PCDH9: variants seen among roughly 807,000 people sequenced by gnomAD.
PCDH9 encodes protocadherin-9.
Under a neutral mutation model 70.6 loss-of-function variants are expected in PCDH9, and 24 were observed. The observed-to-expected ratio is 0.34, with a 90% CI of 0.25 to 0.48. The LOEUF is 0.48. Ranked by LOEUF, PCDH9 falls within the 20% of genes least tolerant of loss-of-function variation. The pLI, the probability that PCDH9 is intolerant of heterozygous loss-of-function variation, is 0.99. For missense variants in PCDH9, 1,281 were observed against 1,503.6 expected (o/e 0.85, Z 2.45); for synonymous variants, 562 against 558.5 (o/e 1.01, Z -0.09).
At chr13:66,710,646 C>A (rs934212742) in intron 3 of PCDH9, among the ~76,000 whole-genome samples, 1 of 152,076 alleles carries the variant, frequency 6.6e-6, no homozygotes, top group Admixed American at 6.6e-5. Context: ...AGATGTATAA[C>A]CTTACATTTT....
At chr13:66,529,150 G>C (rs756480495) in intron 4 of PCDH9, among the ~76,000 whole-genome samples, 1 of 152,006 alleles carries the variant, frequency 6.6e-6, no homozygotes, top group Non-Finnish European at 1.5e-5. Context: ...GAATCCAATG[G>C]CTAATTGCAC....
intron 4 of PCDH9, among the ~76,000 whole-genome samples, chr13:66,392,339 A>G (rs1211647164): frequency 6.6e-6 from 1 of 152,138 alleles, no homozygotes; most frequent in Non-Finnish European, 1.5e-5. Context: ...GCAATACAAG[A>G]CAAAAGAATT....
intron 2 of PCDH9, among the ~76,000 whole-genome samples, chr13:67,129,874 A>C (rs1207447393): frequency 6.6e-6 from 1 of 152,014 alleles, no homozygotes; most frequent in African/African-American, 2.4e-5. Flanking sequence ...GCAGAGAAAA[A>C]ATTAAAGTGA....
chr13:66,748,093 G>A (rs574820037), intron 3 of PCDH9, among the ~76,000 whole-genome samples: 1 of 152,258 alleles, frequency 6.6e-6, no homozygotes, highest in East Asian at 1.9e-4. Flanking sequence ...AGAAAAACTT[G>A]AATTGCTGAT....
chr13:67,084,021 T>G (rs2086042489), intron 2 of PCDH9, among the ~76,000 whole-genome samples: 1 of 152,126 alleles, frequency 6.6e-6, no homozygotes, highest in African/African-American at 2.4e-5. Flanking sequence ...CCCCCAAACA[T>G]GGAAATGTAG....
In PCDH9 at chr13:66,903,541, C is replaced by T; in HGVS notation, c.3101G>A (p.Gly1034Asp). The change falls in exon 3 of 5, where the codon GGT becomes GAT. Residue 1034 changes from glycine to aspartate, a missense_variant. Physicochemically the swap from Gly to Asp is moderately conservative, Grantham distance 94 (BLOSUM62 -1). Coordinates refer to ENST00000377865, the MANE Select transcript of PCDH9 (RefSeq NM_203487.3). ...TTCTTCATTCTCCTGAATGTGGAAA[C>T]CCGTGGAGCTGGGACATTTCTGAGG... ...VTPQKCPSST[G>D]FHIQENEESH... 6.3e-7 allele frequency: 1 copy of T among 1,579,136 alleles called. No individual in the cohort carries two copies. Among genetic ancestry groups the T allele is most frequent in the Non-Finnish European group, 8.7e-7 (1 of 1,149,688 alleles).
chr13:66,582,660 C>A (rs1019987191), intron 4 of PCDH9, among the ~76,000 whole-genome samples: 2 of 152,114 alleles, frequency 1.3e-5, no homozygotes, highest in South Asian at 4.2e-4. Context: ...ATAAATAAAA[C>A]AGATAAAATA....
At chr13:66,584,249 A>T (rs2076933269) in intron 4 of PCDH9, among the ~76,000 whole-genome samples, 1 of 152,182 alleles carries the variant, frequency 6.6e-6, no homozygotes, top group Non-Finnish European at 1.5e-5. Context: ...TATATCTTAC[A>T]AGTTTTATAT....
chr13:66,667,324 C>T (rs187403376), intron 3 of PCDH9, among the ~76,000 whole-genome samples: 431 of 152,140 alleles, frequency 2.8e-3, no homozygotes, highest in African/African-American at 9.8e-3. Context: ...ATGAGAGTCT[C>T]GTTATTTCTA....
chr13:66,844,037 A>T (rs1410721897), intron 3 of PCDH9, among the ~76,000 whole-genome samples: 1 of 152,106 alleles, frequency 6.6e-6, no homozygotes, highest in Non-Finnish European at 1.5e-5. Context: ...TATCTGAGCA[A>T]CTACTGACAA....
At chr13:66,778,058 C>T (rs1198377594) in intron 3 of PCDH9, among the ~76,000 whole-genome samples, 5 of 144,910 alleles carry the variant, frequency 3.5e-5, no homozygotes, top group African/African-American at 1.3e-4. Context: ...TGCATATTCT[C>T]ACTCATAGGT....
rs150949502 is a variant in PCDH9, at chr13:66,618,820, T to C, written c.3340+12390A>G. On this transcript the variant is annotated intron_variant, in intron 4 of 4. Coordinates refer to ENST00000377865, the MANE Select transcript of PCDH9 (RefSeq NM_203487.3). ...GTAAATGCCATTTCTCTTTATTACT[T>C]CTTGGAAGAATGGATCACATGACAG... is the stretch of plus-strand genomic sequence containing the variant. 3.7e-3 allele frequency among the ~76,000 whole-genome samples: 567 copies of C among 152,270 alleles called. 2 individuals carry two copies. The highest frequency in any genetic ancestry group is 0.013 in the African/African-American group (543 of 41,566).
chr13:67,126,479 C>T (rs941553583), intron 2 of PCDH9, among the ~76,000 whole-genome samples: 1 of 152,056 alleles, frequency 6.6e-6, no homozygotes, highest in Non-Finnish European at 1.5e-5. Context: ...TTAATTAAGG[C>T]ATTTATGATC....
At chr13:66,578,849 C>T (rs1407721572) in intron 4 of PCDH9, among the ~76,000 whole-genome samples, 2 of 152,104 alleles carry the variant, frequency 1.3e-5, no homozygotes, top group Non-Finnish European at 2.9e-5. Flanking sequence ...ACCCTGTTCT[C>T]TGCCAACTAG....
chr13:67,125,360 CA>C (rs1395746800), intron 2 of PCDH9, among the ~76,000 whole-genome samples: 4 of 152,114 alleles, frequency 2.6e-5, no homozygotes, highest in Admixed American at 2.6e-4. Context: ...ACAAATCCCC[CA>C]GATCCACTCT....
At chr13:66,748,698 C>T (rs2079410394) in intron 3 of PCDH9, among the ~76,000 whole-genome samples, 1 of 152,100 alleles carries the variant, frequency 6.6e-6, no homozygotes, top group South Asian at 2.1e-4. Context: ...AATCCTGGGC[C>T]TCTGTTTATA....
At chr13:66,504,874 T>C (rs1295623900) in intron 4 of PCDH9, among the ~76,000 whole-genome samples, 3 of 152,162 alleles carry the variant, frequency 2.0e-5, no homozygotes, top group Admixed American at 1.3e-4. Flanking sequence ...TTTTCCCAAG[T>C]AGTCTTCACA....
At chr13:67,176,355 A>T (rs2088456552) in intron 2 of PCDH9, among the ~76,000 whole-genome samples, 1 of 152,050 alleles carries the variant, frequency 6.6e-6, no homozygotes, top group Non-Finnish European at 1.5e-5. Context: ...GCTTAACCAG[A>T]TGATCTGCCT....
At chr13:66,773,357 G>A (rs1183010624) in intron 3 of PCDH9, among the ~76,000 whole-genome samples, 2 of 152,128 alleles carry the variant, frequency 1.3e-5, no homozygotes, top group African/African-American at 4.8e-5. Context: ...GGCCAGGCAC[G>A]GTGGCTCACG....
Sources: allele counts gnomAD v4.1 joint callset (sites outside exome capture counted in the v4.1 genomes callset), GRCh38; gene constraint gnomAD v4.1.1; transcripts MANE v1.5; gene names NCBI Gene and HGNC (gene_info 2026-07-23, HGNC 2026-07-21).